The following LRIF1 variants were observed in gnomAD, a reference collection of about 807,000 sequenced individuals.
LRIF1 encodes ligand dependent nuclear receptor interacting factor 1.
A neutral mutation model predicts 52.7 loss-of-function variants in LRIF1; 32 were observed. The ratio of observed to expected loss-of-function variants is 0.61; its 90% confidence interval spans 0.46 to 0.82. The LOEUF (loss-of-function observed/expected upper bound fraction) is 0.82. LRIF1 is among the 40% of genes least tolerant of loss of function. The probability of loss-of-function intolerance (pLI) is 0.00; values close to 1 mark genes in which losing one functional copy is unlikely to be tolerated. For missense variants in LRIF1, 887 were observed against 892.0 expected, an observed-to-expected ratio of 0.99 and a Z score of 0.07; for synonymous variants, 323 against 317.4, an observed-to-expected ratio of 1.02 and a Z score of -0.19.
chr1:110,962,067 C>CACACAA (rs909821843), intron 1 of LRIF1, among the ~76,000 whole-genome samples: 3 of 150,088 alleles, frequency 2.0e-5, no homozygotes, highest in Admixed American at 6.6e-5. Flanking sequence ...AGGGTACACA[C>CACACAA]ACACACACAC....
At chr1:110,960,244 C>T (rs1658893767) in intron 1 of LRIF1, among the ~76,000 whole-genome samples, 1 of 152,126 alleles carries the variant, frequency 6.6e-6, no homozygotes, top group South Asian at 2.1e-4. Context: ...CCCATTATAA[C>T]AGGGTCCAAA....
chr1:110,912,175 A>G, the LRIF1 span, among the ~76,000 whole-genome samples: 1 of 152,176 alleles, frequency 6.6e-6, no homozygotes, highest in Non-Finnish European at 1.5e-5. Context: ...CCAATGTAAA[A>G]AAATCAGTAG....
At chr1:110,898,629 G>A in the LRIF1 span, among the ~76,000 whole-genome samples, 1 of 151,940 alleles carries the variant, frequency 6.6e-6, no homozygotes, top group African/African-American at 2.4e-5. Flanking sequence ...ACAAGTGATG[G>A]GTGAATTGAG....
chr1:110,934,944 G>A, the LRIF1 span, among the ~76,000 whole-genome samples: 1 of 152,192 alleles, frequency 6.6e-6, no homozygotes, highest in Non-Finnish European at 1.5e-5. Flanking sequence ...TGGCCACAGA[G>A]GTGCTTGTGT....
In LRIF1 at chr1:110,948,209, G is replaced by A; in HGVS notation, c.2060C>T (p.Thr687Ile). ...QHNILTSHSK[T>I]RQEKRTEMEY... is the part of the protein sequence containing the mutation. ...CATCTCAGTTCTCTTTTCTTGTCTG[G>A]TTTTGCTGTGACTCGTGAGAATGTT... is the stretch of plus-strand genomic sequence containing the variant. Residue 687 changes from threonine to isoleucine, a missense_variant, in exon 4 of 4, where the codon ACC becomes ATC. By Grantham distance (89) the Thr-to-Ile change is moderately conservative. Transcript: ENST00000369763. The A allele has an allele frequency of 1.9e-6, 3 of 1,613,890 alleles. No individual in the cohort carries two copies. The highest frequency in any genetic ancestry group is 1.7e-6 in the Non-Finnish European group (2 of 1,179,952).
the LRIF1 span, among the ~76,000 whole-genome samples, chr1:110,917,349 A>G: frequency 6.6e-6 from 1 of 152,236 alleles, no homozygotes; most frequent in Non-Finnish European, 1.5e-5. Context: ...AACATCAGAC[A>G]GGAAGACAAT....
the LRIF1 span, among the ~76,000 whole-genome samples, chr1:110,907,194 G>A: frequency 6.6e-6 from 1 of 152,136 alleles, no homozygotes; most frequent in South Asian, 2.1e-4. Flanking sequence ...AAAATGATGG[G>A]ATAATTTCCT....
chr1:110,946,868 G>C (rs1658221869), downstream of LRIF1, among the ~76,000 whole-genome samples: 1 of 152,020 alleles, frequency 6.6e-6, no homozygotes, highest in African/African-American at 2.4e-5. Context: ...TGTTGGCCAG[G>C]CTTGTCTCAA....
chr1:110,936,461 T>C, the LRIF1 span: 1 of 152,162 alleles, frequency 6.6e-6, no homozygotes. Context: ...AGTTAAGGCA[T>C]ATACTTTTTA....
the LRIF1 span, chr1:110,892,739 T>A: frequency 5.7e-6 from 3 of 526,614 alleles, no homozygotes; most frequent in Non-Finnish European, 1.0e-5. Context: ...GGCATTGCTA[T>A]CCCCCTTGTA....
chr1:110,876,372 G>A, the LRIF1 span, among the ~76,000 whole-genome samples: 1 of 152,034 alleles, frequency 6.6e-6, no homozygotes, highest in Non-Finnish European at 1.5e-5. Context: ...TAAATTCCTA[G>A]TGCATTTTAA....
the LRIF1 span, among the ~76,000 whole-genome samples, chr1:110,880,078 ACAGTTAAGTG>A: frequency 5.3e-5 from 8 of 152,344 alleles, no homozygotes; most frequent in East Asian, 1.5e-3. Flanking sequence ...GAAGGTAGCC[ACAGTTAAGTG>A]CAGTTTGGTC....
At position 110,947,750 on chromosome 1, in the gene LRIF1, C is replaced by T. The variant is rs1020407469; in HGVS notation, c.*209G>A. 2.2e-6 allele frequency: 1 copy of T among 461,848 alleles called. No individual in the cohort carries two copies. The highest frequency in any genetic ancestry group is 3.5e-6 in the Non-Finnish European group (1 of 284,372). 28.6% of individuals were successfully genotyped at this position (461,848 alleles called of 1,614,324 possible). The stretch of plus-strand genomic sequence containing the variant: ...AATTTATCCTTCCAAAAAAAGGTAT[C>T]TAAGACAAAGGTATAGATACCCCAT... On this transcript the variant is annotated 3_prime_UTR_variant, in exon 4 of 4. Transcript: ENST00000369763.
chr1:110,906,613 A>G, the LRIF1 span, among the ~76,000 whole-genome samples: 15 of 152,308 alleles, frequency 9.8e-5, no homozygotes, highest in Admixed American at 3.3e-4. Context: ...AAGATGTACA[A>G]GACCTTTACA....
chr1:110,931,092 G>A, the LRIF1 span, among the ~76,000 whole-genome samples: 2 of 151,804 alleles, frequency 1.3e-5, no homozygotes, highest in African/African-American at 4.8e-5. Flanking sequence ...CCATCAACTC[G>A]TCATTTACAT....
chr1:110,896,712 C>A, the LRIF1 span: 1 of 1,613,102 alleles, frequency 6.2e-7, no homozygotes, highest in Non-Finnish European at 8.5e-7. Context: ...CAGCATCTTG[C>A]CCCTCAGATC....
At chr1:110,957,470 C>CAAAGAAAAAA (rs1658750551) in intron 1 of LRIF1, among the ~76,000 whole-genome samples, 1 of 42,802 alleles carries the variant, frequency 2.3e-5, no homozygotes, top group Non-Finnish European at 3.8e-5. Flanking sequence ...GACTCAGTCT[C>CAAAGAAAAAA]AAAAAAAAAA....
At position 110,963,632 on chromosome 1, in the gene LRIF1, G is replaced by A. The variant is rs1400243126; in HGVS notation, c.57C>T (p.Asn19=). ...AAACCGGTACTTACCAACGCGAGGCGTTGCCTGAATTTTCCTCTGCGGGTT... is the reference window on the plus strand; with the variant it reads ...AAACCGGTACTTACCAACGCGAGGCATTGCCTGAATTTTCCTCTGCGGGTT... ...FLKPAEENSG[N]ASRCVSGCMY... is the part of the protein sequence containing the mutation. Residue 19 remains asparagine (N), a synonymous_variant, in exon 1 of 4, where the codon AAC becomes AAT. Transcript: ENST00000369763. 8 of 1,609,194 alleles carry A rather than the reference G, an allele frequency of 5.0e-6. No homozygotes were observed. The highest frequency in any genetic ancestry group is 2.7e-5 in the African/African-American group (2 of 74,892).
chr1:110,920,180 T>C, the LRIF1 span, among the ~76,000 whole-genome samples: 1 of 152,222 alleles, frequency 6.6e-6, no homozygotes, highest in Non-Finnish European at 1.5e-5. Context: ...CCAGCAATCA[T>C]GCTCTCTTTG....
Sources: allele counts gnomAD v4.1 joint callset (sites outside exome capture counted in the v4.1 genomes callset), GRCh38; gene constraint gnomAD v4.1.1; transcripts MANE v1.5; gene names NCBI Gene and HGNC (gene_info 2026-07-23, HGNC 2026-07-21).